Variants in SUPT3H observed in about 807,000 individuals in gnomAD.
The protein encoded by SUPT3H is SPT3 homolog, SAGA and STAGA complex component.
In SUPT3H, 44 loss-of-function variants were observed where a neutral mutation model predicts 44.3. The ratio of observed to expected loss-of-function variants is 0.99; its 90% CI spans 0.78 to 1.28. SUPT3H has a LOEUF of 1.28. Among genes scored for constraint, SUPT3H ranks in the 50% most tolerant of loss-of-function variants. SUPT3H has a pLI of 0.00. For missense variants in SUPT3H, 380 were observed against 387.1 expected, an observed-to-expected ratio of 0.98 and a Z score of 0.15; for synonymous variants, 124 against 125.6, an observed-to-expected ratio of 0.99 and a Z score of 0.09.
intron 11 of SUPT3H, among the ~76,000 whole-genome samples, chr6:44,821,313 T>C (rs886990618): frequency 1.3e-5 from 2 of 152,238 alleles, no homozygotes; most frequent in African/African-American, 2.4e-5. Context: ...TGAAATGATA[T>C]TCAAATATAC....
At chr6:45,341,408 A>G (rs1000442795) in intron 2 of SUPT3H, among the ~76,000 whole-genome samples, 1 of 152,200 alleles carries the variant, frequency 6.6e-6, no homozygotes. Context: ...CTGCACCTAT[A>G]TTTAACTTGA....
chr6:45,323,824 T>TGGA (rs1785923728), intron 2 of SUPT3H, among the ~76,000 whole-genome samples: 1 of 152,080 alleles, frequency 6.6e-6, no homozygotes, highest in Non-Finnish European at 1.5e-5. Flanking sequence ...AGCACAAAGT[T>TGGA]ACAGCAGTGT....
At chr6:44,870,218 GCT>G (rs1316374745) in intron 10 of SUPT3H, among the ~76,000 whole-genome samples, 1 of 152,122 alleles carries the variant, frequency 6.6e-6, no homozygotes, top group Non-Finnish European at 1.5e-5. Context: ...TCACAAAACA[GCT>G]CTTTCAATTA....
At chr6:44,979,441 T>C (rs887234997) in intron 6 of SUPT3H, among the ~76,000 whole-genome samples, 1 of 152,210 alleles carries the variant, frequency 6.6e-6, no homozygotes, top group African/African-American at 2.4e-5. Flanking sequence ...ATGGTTATGA[T>C]TGTTCTTTGA....
chr6:45,131,106 T>C (rs1186558926), intron 2 of SUPT3H, among the ~76,000 whole-genome samples: 1 of 152,136 alleles, frequency 6.6e-6, no homozygotes, highest in Non-Finnish European at 1.5e-5. Flanking sequence ...ATCCTCTCCA[T>C]GATCCTGATT....
intron 2 of SUPT3H, among the ~76,000 whole-genome samples, chr6:45,325,667 T>C (rs2150053225): frequency 6.6e-6 from 1 of 151,944 alleles, no homozygotes; most frequent in African/African-American, 2.4e-5. Context: ...AAAATAAATC[T>C]GTGGTTTTCA....
intron 2 of SUPT3H, among the ~76,000 whole-genome samples, chr6:45,140,095 T>A (rs1005151262): frequency 3.9e-5 from 6 of 152,038 alleles, no homozygotes; most frequent in Admixed American, 6.6e-5. Flanking sequence ...TCACTACTGA[T>A]TATCCCCCAC....
rs1006950950 is a variant in SUPT3H, at chr6:44,966,578, A to T, written c.505-4750T>A. On this transcript the variant is annotated intron_variant, in intron 6 of 10. Coordinates refer to ENST00000371459, the MANE Select transcript of SUPT3H (RefSeq NM_003599.4). The stretch of plus-strand genomic sequence containing the variant: ...TAATAAAGAGGCAAAACTAGAAGTA[A>T]AACTTGGGTCCTAAATACCTACCTC... 2.6e-5 allele frequency among the ~76,000 whole-genome samples: 4 copies of T among 152,088 alleles called. No individual in the cohort carries two copies. In the East Asian group the frequency reaches 7.7e-4, roughly 29 times the overall value.
intron 2 of SUPT3H, among the ~76,000 whole-genome samples, chr6:45,107,801 G>A (rs72869130): frequency 0.035 from 5,320 of 152,130 alleles, 124 homozygotes; most frequent in Non-Finnish European, 0.056. Context: ...GAGTGAGCAG[G>A]ACCAACAAAC....
chr6:45,262,099 T>C (rs1774462009), intron 2 of SUPT3H, among the ~76,000 whole-genome samples: 1 of 152,086 alleles, frequency 6.6e-6, no homozygotes, highest in Admixed American at 6.6e-5. Context: ...GGAAATATAG[T>C]CCATGCTTGT....
chr6:45,284,551 T>C (rs1306457780), intron 2 of SUPT3H, among the ~76,000 whole-genome samples: 1 of 152,104 alleles, frequency 6.6e-6, no homozygotes, highest in Non-Finnish European at 1.5e-5. Context: ...GAGGAAGAAG[T>C]TGAATCTCTG....
At chr6:44,993,264 A>AC (rs1457086516) in intron 6 of SUPT3H, among the ~76,000 whole-genome samples, 1 of 152,142 alleles carries the variant, frequency 6.6e-6, no homozygotes, top group Non-Finnish European at 1.5e-5. Flanking sequence ...GTCAGACTCC[A>AC]CCCTCAGCTG....
rs555258540 is a variant in SUPT3H at position 45,215,375 on chromosome 6, A to T, written c.102-109369T>A. Among the ~76,000 whole-genome samples, 13 of 152,318 alleles carry T rather than the reference A, an allele frequency of 8.5e-5. No homozygotes were observed. The South Asian group carries it at 2.7e-3, about 32-fold the overall frequency. ...AAAGATAACTATGATATGCCTGAAA[A>T]AGAATTCAAAATAATGATCCTTACA... On this transcript the variant is annotated intron_variant, in intron 2 of 10. Transcript: ENST00000371459.
intron 2 of SUPT3H, among the ~76,000 whole-genome samples, chr6:45,334,049 T>A (rs1432280477): frequency 4.0e-5 from 6 of 151,302 alleles, no homozygotes; most frequent in Non-Finnish European, 1.5e-5. Context: ...CCCAGAAATA[T>A]ATCTAAGATT....
At chr6:45,303,684 A>AAG in intron 2 of SUPT3H, among the ~76,000 whole-genome samples, 1 of 151,038 alleles carries the variant, frequency 6.6e-6, no homozygotes, top group East Asian at 1.9e-4. Context: ...AAAAAAAAAA[A>AAG]AAAAAAAAGA....
chr6:45,132,634 T>C (rs573840064), intron 2 of SUPT3H, among the ~76,000 whole-genome samples: 15 of 152,306 alleles, frequency 9.8e-5, no homozygotes, highest in Middle Eastern at 3.4e-3. Flanking sequence ...CTATTTTTTA[T>C]TGATGATTCT....
At chr6:44,993,381 AG>A (rs1780854765) in intron 6 of SUPT3H, among the ~76,000 whole-genome samples, 1 of 152,122 alleles carries the variant, frequency 6.6e-6, no homozygotes, top group Admixed American at 6.6e-5. Context: ...GGTAAGAGTT[AG>A]GTTAGAGTTC....
chr6:45,030,990 G>A (rs777096713), intron 3 of SUPT3H, among the ~76,000 whole-genome samples: 5 of 152,038 alleles, frequency 3.3e-5, no homozygotes, highest in African/African-American at 4.8e-5. Context: ...AGTTATAGTC[G>A]AATACAGTAG....
rs758945895 is a variant in SUPT3H, at chr6:45,337,249, T to C, written c.101+27952A>G. Among the ~76,000 whole-genome samples the C allele has an allele frequency of 4.0e-5, 6 of 151,816 alleles. No individual in the cohort carries two copies. In the South Asian group the frequency reaches 1.2e-3, roughly 31 times the overall value. ...ACATCCAATCCCTATTTTGCAATTATAATGTGTGATACTTTCTTTAACCAT... is the reference window on the plus strand; with the variant it reads ...ACATCCAATCCCTATTTTGCAATTACAATGTGTGATACTTTCTTTAACCAT... On this transcript the variant is annotated intron_variant, in intron 2 of 10. Transcript: ENST00000371459.
Sources: gnomAD v4.1 joint callset for allele counts (sites outside exome capture counted in the v4.1 genomes callset) on GRCh38, gnomAD v4.1.1 for gene constraint, MANE v1.5 for transcripts, NCBI Gene and HGNC (gene_info 2026-07-23, HGNC 2026-07-21) for gene names.